LY6S: variants seen among roughly 807,000 people sequenced by gnomAD.
The protein encoded by LY6S is lymphocyte antigen 6S.
chr8:143,072,962 T>C, the LY6S span, among the ~76,000 whole-genome samples: 40 of 54,938 alleles, frequency 7.3e-4, no homozygotes, highest in African/African-American at 3.8e-3. Flanking sequence ...GTCCTCGGGG[T>C]TCCTGTTTGA....
At chr8:143,045,173 C>T in the LY6S span, among the ~76,000 whole-genome samples, 6 of 152,300 alleles carry the variant, frequency 3.9e-5, no homozygotes, top group African/African-American at 1.4e-4. This position sits in a 1 kb window ranked among gnomAD's most constrained non-coding sequence, Gnocchi z 5.3. Context: ...CCCGCCACCC[C>T]CAGCAGGCAC....
At chr8:143,066,275 T>C in the LY6S span, 2 of 218,038 alleles carry the variant, frequency 9.2e-6, no homozygotes, top group Non-Finnish European at 1.8e-5. Flanking sequence ...TTCAAGCGAT[T>C]CTCATGCCTC....
At chr8:143,049,478 T>G in the LY6S span, among the ~76,000 whole-genome samples, 1 of 152,162 alleles carries the variant, frequency 6.6e-6, no homozygotes, top group African/African-American at 2.4e-5. Flanking sequence ...TTTATGGCCT[T>G]ACAACGGAAC....
the LY6S span, among the ~76,000 whole-genome samples, chr8:143,048,211 G>T: frequency 6.6e-6 from 1 of 152,278 alleles, no homozygotes; most frequent in East Asian, 1.9e-4. Flanking sequence ...TCCGGGGAAG[G>T]TTTCTAAGTT....
chr8:143,046,222 TG>T, the LY6S span, among the ~76,000 whole-genome samples: 1 of 152,096 alleles, frequency 6.6e-6, no homozygotes, highest in Non-Finnish European at 1.5e-5. Flanking sequence ...CTCATCACTT[TG>T]GGAGGCCAAG....
At chr8:143,044,584 T>G in the LY6S span, 1 of 1,100,002 alleles carries the variant, frequency 9.1e-7, no homozygotes, top group South Asian at 1.6e-5. Context: ...CCCAAAGTGC[T>G]GAGGGCTTGT....
At chr8:143,046,614 A>G in the LY6S span, among the ~76,000 whole-genome samples, 1 of 151,982 alleles carries the variant, frequency 6.6e-6, no homozygotes, top group Non-Finnish European at 1.5e-5. Flanking sequence ...ATCTAACATA[A>G]CTGACTCCAT....
chr8:143,058,108 AG>A, the LY6S span, among the ~76,000 whole-genome samples: 13 of 152,264 alleles, frequency 8.5e-5, no homozygotes, highest in African/African-American at 3.1e-4. Context: ...GAGAGTGATG[AG>A]GGTTCTGAGG....
the LY6S span, chr8:143,044,942 C>T: frequency 2.4e-6 from 2 of 829,608 alleles, no homozygotes; most frequent in South Asian, 3.6e-5. Flanking sequence ...TGCAATAGCC[C>T]CACACACCTG....
chr8:143,071,165 G>A, the LY6S span, among the ~76,000 whole-genome samples: 1 of 152,200 alleles, frequency 6.6e-6, no homozygotes, highest in Non-Finnish European at 1.5e-5. Flanking sequence ...TACAGACTCA[G>A]GAGGCGGCAT....
the LY6S span, among the ~76,000 whole-genome samples, chr8:143,063,544 A>G: frequency 6.6e-6 from 1 of 152,208 alleles, no homozygotes; most frequent in Non-Finnish European, 1.5e-5. Context: ...AGGCATATGC[A>G]GCATTTCTTT....
At chr8:143,040,958 A>G in the LY6S span, among the ~76,000 whole-genome samples, 1 of 152,302 alleles carries the variant, frequency 6.6e-6, no homozygotes, top group Admixed American at 6.5e-5. Context: ...GGGAGTGTAC[A>G]AATAGGATGT....
the LY6S span, among the ~76,000 whole-genome samples, chr8:143,058,256 T>C: frequency 6.6e-6 from 1 of 152,130 alleles, no homozygotes; most frequent in African/African-American, 2.4e-5. Context: ...AGGGGACCAC[T>C]ACCACCAAGT....
At chr8:143,043,681 A>T in the LY6S span, among the ~76,000 whole-genome samples, 158 of 148,566 alleles carry the variant, frequency 1.1e-3, no homozygotes, top group South Asian at 0.013. Context: ...TTTTTTTTTT[A>T]AATATCTTTT....
At chr8:143,063,192 T>C in the LY6S span, among the ~76,000 whole-genome samples, 1 of 152,194 alleles carries the variant, frequency 6.6e-6, no homozygotes, top group Non-Finnish European at 1.5e-5. Context: ...TGAGACAGAC[T>C]AGCAGCAAAG....
chr8:143,044,798 G>A, the LY6S span: 15 of 1,366,762 alleles, frequency 1.1e-5, no homozygotes, highest in Non-Finnish European at 1.5e-5. Flanking sequence ...CGCAGACCCT[G>A]AGCTGGGAGA....
chr8:143,070,490 T>TATATATA, the LY6S span, among the ~76,000 whole-genome samples: 2 of 86,716 alleles, frequency 2.3e-5, no homozygotes, highest in Non-Finnish European at 3.9e-5. Flanking sequence ...TATATATATA[T>TATATATA]TTTTTTTTTT....
the LY6S span, among the ~76,000 whole-genome samples, chr8:143,046,421 C>CA: frequency 1.1e-4 from 16 of 151,688 alleles, no homozygotes; most frequent in African/African-American, 3.4e-4. Flanking sequence ...ACTAAAACTA[C>CA]AAAAAAATTA....
chr8:143,058,780 G>A, the LY6S span, among the ~76,000 whole-genome samples: 24 of 152,228 alleles, frequency 1.6e-4, no homozygotes, highest in Non-Finnish European at 3.1e-4. Flanking sequence ...ACCTCGGTCC[G>A]CCTGGCAACC....
Sources: gnomAD v4.1 joint callset for allele counts (sites outside exome capture counted in the v4.1 genomes callset) on GRCh38, gnomAD v4.1.1 for gene constraint, Gnocchi (gnomAD v3.1) non-coding constraint, MANE v1.5 for transcripts, NCBI Gene and HGNC (gene_info 2026-07-23, HGNC 2026-07-21) for gene names.